Variants in TP63 observed in about 807,000 individuals in gnomAD.
TP63 encodes the protein tumor protein 63.
TP63 carries 17 observed loss-of-function variants against 82.8 expected under a neutral mutation model. The ratio of observed to expected loss-of-function variants is 0.21; its 90% CI spans 0.14 to 0.31. TP63 has a LOEUF of 0.31. Ranked by LOEUF, TP63 falls within the 10% of genes least tolerant of loss-of-function variation. The probability of loss-of-function intolerance (pLI) is 1.00; values close to 1 mark genes in which losing one functional copy is unlikely to be tolerated. For synonymous variants in TP63, 330 were observed against 321.7 expected, an observed-to-expected ratio of 1.03 and a Z score of -0.28; for missense variants, 648 against 895.3, an observed-to-expected ratio of 0.72 and a Z score of 3.52.
intron 1 of TP63, among the ~76,000 whole-genome samples, chr3:189,655,856 A>G (rs1713307544): frequency 6.6e-6 from 1 of 152,174 alleles, no homozygotes; most frequent in Non-Finnish European, 1.5e-5. Context: ...TTCTCACTGT[A>G]GGGATCTGAG....
chr3:189,766,910 A>G (rs1411216913), intron 3 of TP63, among the ~76,000 whole-genome samples: 1 of 152,152 alleles, frequency 6.6e-6, no homozygotes, highest in Non-Finnish European at 1.5e-5. Context: ...AACTCTTTGG[A>G]TGAAATCTTT....
At chr3:189,776,615 G>C (rs552845352) in intron 3 of TP63, among the ~76,000 whole-genome samples, 1 of 152,318 alleles carries the variant, frequency 6.6e-6, no homozygotes, top group Admixed American at 6.5e-5. Flanking sequence ...GGATCTGTTA[G>C]GAGCACTGGT....
chr3:189,641,967 C>T (rs766742674), intron 1 of TP63, among the ~76,000 whole-genome samples: 2 of 152,152 alleles, frequency 1.3e-5, no homozygotes, highest in Non-Finnish European at 2.9e-5. Context: ...TACTATCATT[C>T]TCACCTGAGT....
chr3:189,711,787 T>G (rs1047309865), intron 1 of TP63, among the ~76,000 whole-genome samples: 10 of 152,204 alleles, frequency 6.6e-5, no homozygotes, highest in African/African-American at 2.4e-4. Flanking sequence ...TGTCTCCAGT[T>G]AGGCCTATCC....
intron 10 of TP63, chr3:189,880,156 C>T (rs560247437): frequency 6.2e-7 from 1 of 1,613,772 alleles, no homozygotes; most frequent in Non-Finnish European, 8.5e-7. Flanking sequence ...TCCAAGCCCC[C>T]AAACCGATCA....
At chr3:189,809,740 C>T (rs1026514164) in intron 4 of TP63, among the ~76,000 whole-genome samples, 6 of 152,146 alleles carry the variant, frequency 3.9e-5, no homozygotes, top group South Asian at 2.1e-4. Flanking sequence ...ATAAAATGAT[C>T]GGCATGCCTA....
chr3:189,682,666 C>A (rs1447898701), intron 1 of TP63, among the ~76,000 whole-genome samples: 2 of 149,784 alleles, frequency 1.3e-5, no homozygotes, highest in Admixed American at 6.7e-5. Context: ...TAACTTTTAG[C>A]TAATTTATTT....
rs978972833 is a variant in TP63, at chr3:189,894,277, G to C, written c.1818G>C (p.Gln606His). 1.9e-6 allele frequency: 3 copies of C among 1,614,060 alleles called. No individual in the cohort carries two copies. Among genetic ancestry groups the C allele is most frequent in the Non-Finnish European group, 1.7e-6 (2 of 1,179,998 alleles). The change falls in exon 14 of 14, where the codon CAG (glutamine) becomes CAC (histidine). Residue 606 changes from glutamine to histidine, a missense_variant. This residue lies in a region of TP63 where 342 missense variants were observed against 425.7 expected (regional missense o/e 0.80). Transcript: ENST00000264731. ...GGAAGGGCATCCTGGACCACCGGCA[G>C]CTCCACGAATTCTCCTCCCCTTCTC... is the stretch of plus-strand genomic sequence containing the variant. ...AIWKGILDHRQLHEFSSPSHL... is the reference protein window; with the variant it reads ...AIWKGILDHRHLHEFSSPSHL...
intron 3 of TP63, among the ~76,000 whole-genome samples, chr3:189,773,158 T>C (rs1239399576): frequency 6.6e-6 from 1 of 152,240 alleles, no homozygotes; most frequent in African/African-American, 2.4e-5. Context: ...CAATGTTTTG[T>C]ATGCACTTTC....
chr3:189,873,223 A>G, intron 10 of TP63: 1 of 611,288 alleles, frequency 1.6e-6, no homozygotes, highest in Non-Finnish European at 2.9e-6. Flanking sequence ...AATACAAACC[A>G]TTTCTGGTGA....
chr3:189,619,526 A>T, the TP63 span, among the ~76,000 whole-genome samples: 2 of 152,166 alleles, frequency 1.3e-5, no homozygotes, highest in Non-Finnish European at 1.5e-5. Context: ...TTGTTTTTGC[A>T]AAGAGGGCCT....
At chr3:189,664,410 G>A (rs2108659007) in intron 1 of TP63, among the ~76,000 whole-genome samples, 1 of 152,192 alleles carries the variant, frequency 6.6e-6, no homozygotes, top group Middle Eastern at 3.4e-3. Flanking sequence ...GAGATGGTCG[G>A]TCTTTGGTAC....
At chr3:189,648,880 C>T (rs1441737407) in intron 1 of TP63, among the ~76,000 whole-genome samples, 1 of 139,318 alleles carries the variant, frequency 7.2e-6, no homozygotes, top group Non-Finnish European at 1.6e-5. Context: ...GATAAAGAAA[C>T]TGAAGGTTAG....
At chr3:189,612,834 G>A in the TP63 span, among the ~76,000 whole-genome samples, 1 of 152,228 alleles carries the variant, frequency 6.6e-6, no homozygotes, top group Admixed American at 6.5e-5. Flanking sequence ...TTACGTTTTA[G>A]CAAAGAGACT....
chr3:189,838,511 T>G (rs1186262229), intron 4 of TP63, among the ~76,000 whole-genome samples: 4 of 152,078 alleles, frequency 2.6e-5, no homozygotes, highest in African/African-American at 9.7e-5. Flanking sequence ...AAATAGGAAG[T>G]AACATGATGA....
intron 1 of TP63, 26 bp from the exon 2 acceptor site, chr3:189,737,714 A>G: frequency 6.2e-7 from 1 of 1,611,492 alleles, no homozygotes; most frequent in East Asian, 2.2e-5. Context: ...AAAGTATAAT[A>G]CTAGTTTCAT....
At chr3:189,697,474 G>A (rs889778719) in intron 1 of TP63, among the ~76,000 whole-genome samples, 11 of 151,850 alleles carry the variant, frequency 7.2e-5, no homozygotes, top group African/African-American at 1.9e-4. Flanking sequence ...TTGAAACCAG[G>A]TAGAATGAAT....
chr3:189,614,630 T>C, the TP63 span, among the ~76,000 whole-genome samples: 6 of 152,214 alleles, frequency 3.9e-5, no homozygotes. Flanking sequence ...TTTAATTTCC[T>C]TCATTATTTT....
intron 1 of TP63, among the ~76,000 whole-genome samples, chr3:189,714,429 C>T (rs2108758895): frequency 6.6e-6 from 1 of 152,122 alleles, no homozygotes; most frequent in East Asian, 1.9e-4. Flanking sequence ...ACAGAAATAT[C>T]AATATCCAAG....
Sources: allele counts gnomAD v4.1 joint callset (sites outside exome capture counted in the v4.1 genomes callset), GRCh38; gene constraint gnomAD v4.1.1; regional missense constraint gnomAD v4.1.1; transcripts MANE v1.5; gene names NCBI Gene and HGNC (gene_info 2026-07-23, HGNC 2026-07-21).